The following SRGAP2 variants were observed in gnomAD, a reference collection of about 807,000 sequenced individuals.
The protein encoded by SRGAP2 is SLIT-ROBO Rho GTPase-activating protein 2.
SRGAP2 carries 15 observed loss-of-function variants against 57.2 expected under a neutral mutation model. The observed-to-expected ratio is 0.26, with a 90% CI of 0.18 to 0.40. SRGAP2 has a LOEUF of 0.40. Ranked by LOEUF, SRGAP2 falls within the 10% of genes least tolerant of loss-of-function variation. The pLI, the probability that SRGAP2 is intolerant of heterozygous loss-of-function variation, is 1.00. For synonymous variants in SRGAP2, 249 were observed against 248.0 expected, an observed-to-expected ratio of 1.00 and a Z score of -0.04; for missense variants, 520 against 669.6, an observed-to-expected ratio of 0.78 and a Z score of 2.47.
In SRGAP2 at chr1:206,415,699, A is replaced by G. The variant is rs995118500; in HGVS notation, c.1357-190A>G. ...TCCCAGAAAAAACCTGGAGAAGGATATTAATCCACCATGAAAATCAACAGC... is the reference window on the plus strand; with the variant it reads ...TCCCAGAAAAAACCTGGAGAAGGATGTTAATCCACCATGAAAATCAACAGC... On this transcript the variant is annotated intron_variant, in intron 10 of 22. Coordinates refer to ENST00000573034, the MANE Select transcript of SRGAP2 (RefSeq NM_015326.5). Among the ~76,000 whole-genome samples, 6 of 152,254 alleles carry G rather than the reference A, an allele frequency of 3.9e-5. No homozygotes were observed. The South Asian group carries it at 6.2e-4, about 16-fold the overall frequency.
rs1438322277 is a variant in SRGAP2 at position 206,461,671 on chromosome 1, C to T, written c.*251C>T. 2 of 422,204 alleles carry T rather than the reference C, an allele frequency of 4.7e-6. No individual in the cohort carries two copies. The highest frequency in any genetic ancestry group is 3.8e-5 in the East Asian group (1 of 26,506). 26.2% of individuals were successfully genotyped at this position (422,204 alleles called of 1,614,324 possible). On this transcript the variant is annotated 3_prime_UTR_variant, in exon 23 of 23. Coordinates refer to ENST00000573034, the MANE Select transcript of SRGAP2 (RefSeq NM_015326.5). ...GCAGTCCGTACCGTTCTTAGGTTAG[C>T]CAGAGACAGGTTTTCATTATCAGGT...
Position 206,415,984 on chromosome 1 carries a change from G to A in SRGAP2, c.1441+11G>A. On this transcript the variant is annotated intron_variant, in intron 11 of 22. Transcript: ENST00000573034. ...AAACCCTGGGAGAAAGTGAGTGTGGGAACCCTCTGCTAGAGGCTTGACAGT... is the reference window on the plus strand; with the variant it reads ...AAACCCTGGGAGAAAGTGAGTGTGGAAACCCTCTGCTAGAGGCTTGACAGT... 1.3e-6 allele frequency: 1 copy of A among 779,010 alleles called. No individual in the cohort carries two copies. Among genetic ancestry groups the A allele is most frequent in the Non-Finnish European group, 2.4e-6 (1 of 417,282 alleles). The allele number at this position is 779,010 out of a possible 1,614,324, so 48.3% of individuals were successfully genotyped here. A position where few individuals can be genotyped will look rare whatever the true frequency, so the allele number is the denominator to read the frequency against.
intron 2 of SRGAP2, among the ~76,000 whole-genome samples, chr1:206,249,196 G>GCT (rs1668687227): frequency 1.3e-5 from 2 of 149,100 alleles, no homozygotes; most frequent in Non-Finnish European, 3.0e-5. Context: ...TGCATGGCTC[G>GCT]CTCTCTCACT....
Position 206,458,816 on chromosome 1 carries a change from C to T in SRGAP2, c.2701C>T (p.Leu901Phe), listed in dbSNP as rs782145300. ...DKCSISGHGS[L>F]NSISRHSSLK... ...GTGTTCCATCAGTGGGCACGGGAGC[C>T]TCAACTCCATCAGCCGCCACTCATC... The change falls in exon 22 of 23, where the codon CTC (leucine) becomes TTC (phenylalanine). Residue 901 changes from leucine to phenylalanine, a missense_variant. Physicochemically the swap from Leu to Phe is conservative, Grantham distance 22 (BLOSUM62 0). Coordinates refer to ENST00000573034, the MANE Select transcript of SRGAP2 (RefSeq NM_015326.5). The T allele has an allele frequency of 2.6e-6, 2 of 780,748 alleles. No individual in the cohort carries two copies. Among genetic ancestry groups the T allele is most frequent in the Non-Finnish European group, 4.8e-6 (2 of 417,934 alleles). The allele number at this position is 780,748 out of a possible 1,614,324, so 48.4% of individuals were successfully genotyped here. A position where few individuals can be genotyped will look rare whatever the true frequency, so the allele number is the denominator to read the frequency against.
At chr1:206,455,213 G>A (rs1663725222) in intron 21 of SRGAP2, 189 bp downstream of exon 21, 3 of 632,408 alleles carry the variant, frequency 4.7e-6, no homozygotes, top group Non-Finnish European at 8.6e-6. Flanking sequence ...AAGCCTCGGG[G>A]CAGGTCCAGG....
intron 14 of SRGAP2, among the ~76,000 whole-genome samples, chr1:206,435,311 T>C (rs1661630018): frequency 6.6e-6 from 1 of 152,242 alleles, no homozygotes; most frequent in African/African-American, 2.4e-5. Context: ...GTAGCATTAG[T>C]CCATTTTGTT....
intron 5 of SRGAP2, among the ~76,000 whole-genome samples, chr1:206,389,463 C>T (rs1414585418): frequency 2.0e-5 from 3 of 152,302 alleles, no homozygotes; most frequent in African/African-American, 7.2e-5. Context: ...AGGCATGAGC[C>T]GCCATGCCCG....
intron 19 of SRGAP2, among the ~76,000 whole-genome samples, chr1:206,450,849 C>T (rs1663210138): frequency 6.6e-6 from 1 of 151,944 alleles, no homozygotes; most frequent in African/African-American, 2.4e-5. Flanking sequence ...TGTGGTGGCT[C>T]ACACCTGTAA....
chr1:206,307,877 T>C (rs1259163933), intron 3 of SRGAP2, among the ~76,000 whole-genome samples: 7 of 151,966 alleles, frequency 4.6e-5, no homozygotes, highest in African/African-American at 1.5e-4. Flanking sequence ...GCTCCAGCCT[T>C]GGCCAGCCCA....
At chr1:206,314,153 A>C (rs1348575966) in intron 3 of SRGAP2, among the ~76,000 whole-genome samples, 1 of 98,230 alleles carries the variant, frequency 1.0e-5, no homozygotes. Context: ...GTTTTTTTTT[A>C]GATGGAGTTT....
rs1553380698 is a variant in SRGAP2 at position 206,461,368 on chromosome 1, G to A, written c.3164G>A (p.Gly1055Asp). The change falls in exon 23 of 23, where the codon GGT becomes GAT. Residue 1055 changes from glycine to aspartate, a missense_variant. Coordinates refer to ENST00000573034, the MANE Select transcript of SRGAP2 (RefSeq NM_015326.5). ...VFPKTNATSP[G>D]VNSSTSPQST... ...CCCAAAACAAATGCCACTAGCCCTG[G>A]TGTCAACTCATCAACTTCCCCACAG... 1.3e-6 allele frequency: 1 copy of A among 780,774 alleles called. No homozygotes were observed. Among genetic ancestry groups the A allele is most frequent in the Non-Finnish European group, 2.4e-6 (1 of 417,886 alleles). 48.4% of individuals were successfully genotyped at this position (780,774 alleles called of 1,614,324 possible). A position where few individuals can be genotyped will look rare whatever the true frequency, so the allele number is the denominator to read the frequency against.
At chr1:206,458,265 T>C in intron 21 of SRGAP2, 6 of 468,912 alleles carry the variant, frequency 1.3e-5, no homozygotes, top group South Asian at 1.0e-4. Flanking sequence ...CTTCTTCTCC[T>C]AGCTGGGGCC....
rs1659855687 is a variant in SRGAP2 at position 206,417,644 on chromosome 1, TC to T, written c.1441+1673del. ...CATCTGGGCCAGGCTGGTCTCAAAC[TC>T]CTGACCTCAGGTGATCTGCCGGCCT... On this transcript the variant is annotated intron_variant, in intron 11 of 22. Transcript: ENST00000573034. Among the ~76,000 whole-genome samples the T allele has an allele frequency of 2.0e-5, 3 of 151,998 alleles. No homozygotes were observed. The South Asian group carries it at 6.3e-4, about 32-fold the overall frequency.
At chr1:206,257,441 G>A (rs1364714943) in intron 2 of SRGAP2, among the ~76,000 whole-genome samples, 6 of 94,530 alleles carry the variant, frequency 6.3e-5, no homozygotes, top group Admixed American at 1.1e-4. Flanking sequence ...GGGTTCAAGC[G>A]ATCCTTGTGC....
At chr1:206,362,944 C>T (rs1677020567) in intron 4 of SRGAP2, among the ~76,000 whole-genome samples, 1 of 151,612 alleles carries the variant, frequency 6.6e-6, no homozygotes, top group African/African-American at 2.4e-5. Flanking sequence ...GAGAAATAGA[C>T]ATGCACATAA....
intron 10 of SRGAP2, among the ~76,000 whole-genome samples, chr1:206,410,482 A>G (rs1329982620): frequency 6.6e-6 from 1 of 152,102 alleles, no homozygotes; most frequent in Non-Finnish European, 1.5e-5. Context: ...CCTGACTCCT[A>G]TTTCCCCTCC....
chr1:206,384,728 C>G (rs1198932166), intron 5 of SRGAP2, among the ~76,000 whole-genome samples: 2 of 147,694 alleles, frequency 1.4e-5, no homozygotes, highest in Middle Eastern at 3.4e-3. Context: ...TTAATTCATG[C>G]GCAGAGAGGT....
At chr1:206,429,132 C>A (rs914471134) in intron 13 of SRGAP2, among the ~76,000 whole-genome samples, 81 of 152,150 alleles carry the variant, frequency 5.3e-4, no homozygotes, top group African/African-American at 1.9e-3. Flanking sequence ...AGTCCCCTCC[C>A]CAGTCTGTAG....
At chr1:206,324,996 TATA>T (rs1343164470) in intron 3 of SRGAP2, among the ~76,000 whole-genome samples, 10 of 149,540 alleles carry the variant, frequency 6.7e-5, no homozygotes, top group Non-Finnish European at 1.2e-4. Flanking sequence ...CTATGCAAAT[TATA>T]ATGTTTCCCC....
Sources: gnomAD v4.1 joint callset for allele counts (sites outside exome capture counted in the v4.1 genomes callset) on GRCh38, gnomAD v4.1.1 for gene constraint, MANE v1.5 for transcripts, NCBI Gene and HGNC (gene_info 2026-07-23, HGNC 2026-07-21) for gene names.